Variants in CALN1 observed in about 807,000 individuals in gnomAD.
CALN1 encodes calcium-binding protein 8.
In CALN1, 17 loss-of-function variants were observed where a neutral mutation model predicts 30.6. The observed-to-expected ratio is 0.56, with a 90% CI of 0.38 to 0.83. The LOEUF is 0.83. CALN1 is among the 40% of genes least tolerant of loss of function. The probability of loss-of-function intolerance (pLI) is 0.00; values close to 1 mark genes in which losing one functional copy is unlikely to be tolerated. For missense variants in CALN1, 291 were observed against 354.9 expected (o/e 0.82, Z 1.45); for synonymous variants, 156 against 131.4 (o/e 1.19, Z -1.28).
At chr7:72,143,346 G>A (rs561378797) in intron 3 of CALN1, among the ~76,000 whole-genome samples, 19 of 152,164 alleles carry the variant, frequency 1.2e-4, no homozygotes, top group South Asian at 4.1e-4. Context: ...TTCAGTAGCC[G>A]ATTCGATCAA....
At chr7:72,249,060 G>C in intron 3 of CALN1, among the ~76,000 whole-genome samples, 1 of 152,140 alleles carries the variant, frequency 6.6e-6, no homozygotes, top group East Asian at 1.9e-4. Context: ...CTTCATTAAA[G>C]AAACACTGAA....
intron 3 of CALN1, among the ~76,000 whole-genome samples, chr7:72,111,309 T>C: frequency 6.6e-6 from 1 of 152,188 alleles, no homozygotes; most frequent in East Asian, 1.9e-4. Context: ...TCTGCAAGCA[T>C]ATGGAGTCGC....
At chr7:72,049,174 C>T (rs1392045232) in intron 4 of CALN1, among the ~76,000 whole-genome samples, 2 of 152,040 alleles carry the variant, frequency 1.3e-5, no homozygotes, top group Non-Finnish European at 2.9e-5. Context: ...TAATAAATAG[C>T]AACAGCCACA....
At chr7:72,308,411 A>G (rs1415395996) in intron 2 of CALN1, among the ~76,000 whole-genome samples, 1 of 148,698 alleles carries the variant, frequency 6.7e-6, no homozygotes, top group Non-Finnish European at 1.5e-5. Context: ...GAGAGGAAAG[A>G]AAGGAAAGAA....
rs1306179137 is a variant in CALN1 at position 72,346,111 on chromosome 7, ATTTC to A, written c.119+57136_119+57139del. Among the ~76,000 whole-genome samples the A allele has an allele frequency of 7.2e-5, 11 of 152,352 alleles. No homozygotes were observed. The East Asian group carries it at 2.1e-3, about 29-fold the overall frequency. ...AATAGCTAAAGTCTATTTATTCTTA[ATTTC>A]TTTCTAATTCAATAATTTAACTTTT... On this transcript the variant is annotated intron_variant, in intron 2 of 6. Coordinates refer to ENST00000395275, the MANE Select transcript of CALN1 (RefSeq NM_031468.4).
intron 5 of CALN1, among the ~76,000 whole-genome samples, chr7:72,023,025 A>G (rs1439016770): frequency 6.6e-6 from 1 of 152,038 alleles, no homozygotes; most frequent in African/African-American, 2.4e-5. Context: ...CAGACAACTT[A>G]CGTGATTCAA....
intron 3 of CALN1, among the ~76,000 whole-genome samples, chr7:72,268,675 T>C (rs1356593282): frequency 6.6e-6 from 1 of 151,924 alleles, no homozygotes; most frequent in African/African-American, 2.4e-5. Context: ...CATGCACCTG[T>C]AGTCCTAGCT....
intron 5 of CALN1, among the ~76,000 whole-genome samples, chr7:72,001,844 G>T (rs1799543202): frequency 6.6e-6 from 1 of 152,050 alleles, no homozygotes; most frequent in Non-Finnish European, 1.5e-5. Context: ...AGCATGTCTG[G>T]TTCAACAGCC....
chr7:72,367,208 A>G (rs1223798440), intron 2 of CALN1, among the ~76,000 whole-genome samples: 1 of 152,152 alleles, frequency 6.6e-6, no homozygotes, highest in Non-Finnish European at 1.5e-5. Context: ...AGATACAATG[A>G]TAGCATCTGG....
chr7:72,268,170 G>A (rs973905778), intron 3 of CALN1, among the ~76,000 whole-genome samples: 4 of 152,190 alleles, frequency 2.6e-5, no homozygotes, highest in Admixed American at 1.3e-4. Context: ...GATGACAACA[G>A]TGACAATATT....
At chr7:72,033,712 A>G (rs942820132) in intron 4 of CALN1, among the ~76,000 whole-genome samples, 7 of 152,162 alleles carry the variant, frequency 4.6e-5, no homozygotes, top group African/African-American at 1.7e-4. Flanking sequence ...AGAGCAGGAC[A>G]AGCTGGGCCC....
At chr7:72,054,047 A>C (rs542172194) in intron 4 of CALN1, among the ~76,000 whole-genome samples, 6 of 152,180 alleles carry the variant, frequency 3.9e-5, no homozygotes, top group East Asian at 3.9e-4. Context: ...TCATTGATTG[A>C]TGGGCATTTG....
intron 4 of CALN1, among the ~76,000 whole-genome samples, chr7:72,087,176 T>C (rs1805537099): frequency 6.6e-6 from 1 of 152,174 alleles, no homozygotes; most frequent in South Asian, 2.1e-4. Flanking sequence ...ATTACTATTG[T>C]TTTGATCTAA....
intron 2 of CALN1, among the ~76,000 whole-genome samples, chr7:72,297,560 CA>C (rs2129555392): frequency 6.6e-6 from 1 of 152,198 alleles, no homozygotes; most frequent in South Asian, 2.1e-4. Flanking sequence ...TTAGCGAAAA[CA>C]AGATGATTTA....
At chr7:71,850,816 A>C (rs763107133) in intron 5 of CALN1, among the ~76,000 whole-genome samples, 4 of 152,214 alleles carry the variant, frequency 2.6e-5, no homozygotes, top group Non-Finnish European at 5.9e-5. Context: ...AATTTTGTTT[A>C]CTACTATCCC....
At chr7:72,084,466 C>A (rs1805353302) in intron 4 of CALN1, among the ~76,000 whole-genome samples, 2 of 150,824 alleles carry the variant, frequency 1.3e-5, no homozygotes, top group African/African-American at 4.9e-5. Context: ...TCAAGCAATT[C>A]TCCTGCCTCG....
At chr7:72,147,652 T>C (rs1479335857) in intron 3 of CALN1, among the ~76,000 whole-genome samples, 2 of 152,040 alleles carry the variant, frequency 1.3e-5, no homozygotes, top group Non-Finnish European at 2.9e-5. Flanking sequence ...TGCACACATA[T>C]GTTTATTGTG....
At chr7:72,266,945 C>T (rs148990502) in intron 3 of CALN1, among the ~76,000 whole-genome samples, 69 of 152,280 alleles carry the variant, frequency 4.5e-4, no homozygotes, top group African/African-American at 1.3e-3. Flanking sequence ...AGATAAAAGA[C>T]GTATGTTGTA....
chr7:71,978,976 G>A (rs1584664601), intron 5 of CALN1, among the ~76,000 whole-genome samples: 1 of 152,192 alleles, frequency 6.6e-6, no homozygotes, highest in African/African-American at 2.4e-5. Flanking sequence ...TTTGCAGAGA[G>A]AACAGCCTTT....
Sources: allele counts gnomAD v4.1 joint callset (sites outside exome capture counted in the v4.1 genomes callset), GRCh38; gene constraint gnomAD v4.1.1; transcripts MANE v1.5; gene names NCBI Gene and HGNC (gene_info 2026-07-23, HGNC 2026-07-21).